Variants in COL22A1 observed in about 807,000 individuals in gnomAD.
COL22A1 encodes collagen alpha-1(XXII) chain.
COL22A1 carries 221 observed loss-of-function variants against 248.9 expected under a neutral mutation model. That is an observed-to-expected ratio of 0.89 (90% CI 0.80 to 0.99). The LOEUF is 0.99. Ranked by LOEUF, COL22A1 falls within the 50% of genes least tolerant of loss-of-function variation. The probability of loss-of-function intolerance (pLI) is 0.00; values close to 1 mark genes in which losing one functional copy is unlikely to be tolerated. For missense variants in COL22A1, 2,240 were observed against 2,179.0 expected (o/e 1.03, Z -0.56); for synonymous variants, 891 against 793.4 (o/e 1.12, Z -2.07).
At chr8:138,769,160 G>T (rs1834151844) in intron 16 of COL22A1, among the ~76,000 whole-genome samples, 1 of 152,038 alleles carries the variant, frequency 6.6e-6, no homozygotes, top group Non-Finnish European at 1.5e-5. Flanking sequence ...TAAGAGTCAA[G>T]GCCTGGATGT....
chr8:138,737,149 C>T (rs1831179039), intron 23 of COL22A1, among the ~76,000 whole-genome samples: 1 of 152,206 alleles, frequency 6.6e-6, no homozygotes, highest in Non-Finnish European at 1.5e-5. Context: ...CCGCTCATTC[C>T]AGCCTGGCTG....
chr8:138,859,533 C>T (rs1313939659), intron 3 of COL22A1, among the ~76,000 whole-genome samples: 1 of 152,216 alleles, frequency 6.6e-6, no homozygotes, highest in Non-Finnish European at 1.5e-5. Flanking sequence ...CTGTGAGGAA[C>T]ATCTGGCATC....
chr8:138,702,883 C>T (rs934290162), intron 31 of COL22A1, among the ~76,000 whole-genome samples: 3 of 152,102 alleles, frequency 2.0e-5, no homozygotes, highest in African/African-American at 4.8e-5. Flanking sequence ...GGTCTTCATG[C>T]CCTCAAAGCC....
intron 23 of COL22A1, among the ~76,000 whole-genome samples, chr8:138,730,174 T>C (rs1031765258): frequency 3.3e-5 from 5 of 152,358 alleles, no homozygotes; most frequent in African/African-American, 1.2e-4. Flanking sequence ...TCCCTGCCCA[T>C]GTGCAGGTCC....
At chr8:138,910,548 A>G (rs1815381624) in intron 1 of COL22A1, among the ~76,000 whole-genome samples, 1 of 152,038 alleles carries the variant, frequency 6.6e-6, no homozygotes, top group Non-Finnish European at 1.5e-5. Flanking sequence ...CACTTTTCCC[A>G]TCTTACTAGG....
rs1040485053 is a variant in COL22A1, at chr8:138,683,331, G to A, written c.3012+1094C>T. Among the ~76,000 whole-genome samples the A allele has an allele frequency of 2.0e-5, 3 of 152,202 alleles. No homozygotes were observed. In the South Asian group the frequency reaches 6.2e-4, roughly 32 times the overall value. ...GTAATTGATGCGTAAATGAATGAAT[G>A]ATTCATTGTAGAAGGTATTTTAGGA... On this transcript the variant is annotated intron_variant, in intron 39 of 64. Transcript: ENST00000303045.
At chr8:138,849,902 TA>T (rs1315791336) in intron 3 of COL22A1, among the ~76,000 whole-genome samples, 6 of 152,184 alleles carry the variant, frequency 3.9e-5, no homozygotes, top group South Asian at 2.1e-4. Flanking sequence ...TGTGATAGAA[TA>T]ATAACCAGCC....
At position 138,606,382 on chromosome 8, in the gene COL22A1, G is replaced by A. The variant is rs775606759; in HGVS notation, c.4103C>T (p.Pro1368Leu). Reference protein sequence around the residue: ...LPGFLGPRGPPGEPGEKGVPG... With the variant: ...LPGFLGPRGPLGEPGEKGVPG... ...GCCCCACTGGGGTTCTCTGCTTACC[G>A]GAGGCCCACGGGGACCCAGGAAGCC... The change falls in exon 58 of 65, where the codon CCG becomes CTG. Residue 1368 changes from proline to leucine, a missense_variant and splice_region_variant. Physicochemically the swap from Pro to Leu is moderately conservative, Grantham distance 98. Transcript: ENST00000303045. 13 of 1,612,208 alleles carry A rather than the reference G, an allele frequency of 8.1e-6. No homozygotes were observed. The highest frequency in any genetic ancestry group is 2.2e-5 in the East Asian group (1 of 44,804).
intron 6 of COL22A1, among the ~76,000 whole-genome samples, chr8:138,826,327 G>A (rs1586835494): frequency 1.3e-5 from 2 of 152,144 alleles, no homozygotes. Context: ...CACGAAGCTG[G>A]GTCACTCATG....
At chr8:138,833,251 GC>G in intron 4 of COL22A1, 101 bp from the exon 5 acceptor site, 1 of 778,106 alleles carries the variant, frequency 1.3e-6, no homozygotes, top group Non-Finnish European at 2.3e-6. Flanking sequence ...TGCCCATCCT[GC>G]CCCAGGAGAA....
intron 59 of COL22A1, 74 bp from the exon 60 acceptor site, chr8:138,602,233 TCA>T: frequency 6.5e-7 from 1 of 1,537,876 alleles, no homozygotes; most frequent in Non-Finnish European, 9.0e-7. Context: ...TGGATATTCT[TCA>T]CAGTCCTGCA....
intron 10 of COL22A1, among the ~76,000 whole-genome samples, chr8:138,806,042 TG>T (rs1385157857): frequency 1.3e-3 from 6 of 4,580 alleles, no homozygotes; most frequent in Non-Finnish European, 2.0e-3. Flanking sequence ...GTGTGTGTGA[TG>T]GTGTAGGTAA....
chr8:138,902,852 G>T (rs1814720305), intron 1 of COL22A1, among the ~76,000 whole-genome samples: 1 of 151,276 alleles, frequency 6.6e-6, no homozygotes, highest in Admixed American at 6.6e-5. Flanking sequence ...TGGGGTCAAG[G>T]CTTGTGAAGG....
intron 57 of COL22A1, among the ~76,000 whole-genome samples, 155 bp downstream of exon 57, chr8:138,607,781 A>G (rs1349940986): frequency 6.6e-6 from 1 of 152,174 alleles, no homozygotes; most frequent in Non-Finnish European, 1.5e-5. Context: ...AAATGGCCCT[A>G]TGGAGCCTCT....
chr8:138,689,162 G>GT lies in COL22A1; in HGVS notation c.2809-193_2809-192insA, dbSNP rs896617590. Among the ~76,000 whole-genome samples, 326 of 145,622 alleles carry GT rather than the reference G, an allele frequency of 2.2e-3. 2 individuals carry two copies. Among genetic ancestry groups the GT allele is most frequent in the African/African-American group, 7.7e-3 (279 of 36,422 alleles). On this transcript the variant is annotated intron_variant, in intron 36 of 64. Transcript: ENST00000303045. Reference sequence around the variant, plus strand: ...TGCCCATGACTGCTGCTCTCCCGGGGGGGGGGCTGGCCTTGTAACAGTGCA... The same window carrying GT: ...TGCCCATGACTGCTGCTCTCCCGGGGTGGGGGGCTGGCCTTGTAACAGTGCA...
rs775320117 is a variant in COL22A1, at chr8:138,725,466, C to T, written c.2140-26G>A. 63 of 1,608,610 alleles carry T rather than the reference C, an allele frequency of 3.9e-5. No homozygotes were observed. The East Asian group carries it at 1.1e-3, about 29-fold the overall frequency. On this transcript the variant is annotated intron_variant, in intron 23 of 64. Coordinates refer to ENST00000303045, the MANE Select transcript of COL22A1 (RefSeq NM_152888.3). Reference sequence around the variant, plus strand: ...CTGTAGAGAAAGAGCATTTGGTGGGCTACAGATGGGTCCTGATGAGCCTCC... The same window carrying T: ...CTGTAGAGAAAGAGCATTTGGTGGGTTACAGATGGGTCCTGATGAGCCTCC...
At chr8:138,703,397 T>C in intron 30 of COL22A1, 50 bp from the exon 31 acceptor site, 1 of 1,509,686 alleles carries the variant, frequency 6.6e-7, no homozygotes. Context: ...CTCCCAACTC[T>C]GCTTATGCTG....
intron 21 of COL22A1, among the ~76,000 whole-genome samples, chr8:138,754,784 G>T (rs1483283566): frequency 1.3e-5 from 2 of 152,336 alleles, no homozygotes; most frequent in East Asian, 3.9e-4. Flanking sequence ...GAGTGCGTTG[G>T]AAGTGATTCA....
At chr8:138,677,053 C>G (rs553950923) in intron 40 of COL22A1, among the ~76,000 whole-genome samples, 1 of 152,310 alleles carries the variant, frequency 6.6e-6, no homozygotes, top group African/African-American at 2.4e-5. Flanking sequence ...TTTATCAATT[C>G]ACCAATAATT....
Sources: allele counts gnomAD v4.1 joint callset (sites outside exome capture counted in the v4.1 genomes callset), GRCh38; gene constraint gnomAD v4.1.1; transcripts MANE v1.5; gene names NCBI Gene and HGNC (gene_info 2026-07-23, HGNC 2026-07-21).